PRKCE: variants seen among roughly 807,000 people sequenced by gnomAD.
PRKCE encodes the protein protein kinase C epsilon type.
A neutral mutation model predicts 85.4 loss-of-function variants in PRKCE; 16 were observed. The observed-to-expected ratio is 0.19, with a 90% CI of 0.13 to 0.28. The LOEUF is 0.28. PRKCE is among the 10% of genes least tolerant of loss of function. The pLI, the probability that PRKCE is intolerant of heterozygous loss-of-function variation, is 1.00. For missense variants in PRKCE, 573 were observed against 975.2 expected (o/e 0.59, Z 5.49); for synonymous variants, 388 against 371.5 (o/e 1.04, Z -0.51).
At chr2:46,010,544 G>T (rs199580291) in intron 10 of PRKCE, 27 bp downstream of exon 10, 150 of 1,598,084 alleles carry the variant, frequency 9.4e-5, no homozygotes, top group Non-Finnish European at 1.1e-4. Flanking sequence ...CTGGCTGGCT[G>T]CCATGTTGGG....
chr2:45,749,551 A>G (rs931672502), intron 1 of PRKCE, among the ~76,000 whole-genome samples: 2 of 152,248 alleles, frequency 1.3e-5, no homozygotes, highest in Non-Finnish European at 2.9e-5. Context: ...GAGAATTCAC[A>G]GTACTAAATA....
At chr2:45,681,940 C>T (rs1385468332) in intron 1 of PRKCE, among the ~76,000 whole-genome samples, 1 of 152,194 alleles carries the variant, frequency 6.6e-6, no homozygotes, top group African/African-American at 2.4e-5. Context: ...TTTCTCCTCC[C>T]CAGCCACACC....
At chr2:45,662,976 A>G (rs1675745832) in intron 1 of PRKCE, among the ~76,000 whole-genome samples, 1 of 152,166 alleles carries the variant, frequency 6.6e-6, no homozygotes, top group Non-Finnish European at 1.5e-5. Context: ...GGTAGCTGAG[A>G]GAATCATCAA....
At chr2:46,086,432 C>T in intron 11 of PRKCE, 70 bp downstream of exon 11, 1 of 1,522,072 alleles carries the variant, frequency 6.6e-7, no homozygotes, top group Non-Finnish European at 8.8e-7. Context: ...CTTGAACTGA[C>T]TTCAGCTCCT....
chr2:46,149,368 T>C (rs1676383226), intron 12 of PRKCE, among the ~76,000 whole-genome samples: 1 of 152,128 alleles, frequency 6.6e-6, no homozygotes, highest in Non-Finnish European at 1.5e-5. Context: ...ACCTTGTTTC[T>C]CCTTCCCTTT....
chr2:46,145,411 G>T lies in PRKCE; in HGVS notation c.1731+180G>T, dbSNP rs938307760. Among the ~76,000 whole-genome samples, 10 of 152,182 alleles carry T rather than the reference G, an allele frequency of 6.6e-5. No homozygotes were observed. Among genetic ancestry groups the T allele is most frequent in the Admixed American group, 2.6e-4 (4 of 15,278 alleles). ...TTTGCTGATTGATGTCTGTCAAGAA[G>T]TCCTAGTGTTGGGGAGATGATGAGT... On this transcript the variant is annotated intron_variant, in intron 12 of 14. Coordinates refer to ENST00000306156, the MANE Select transcript of PRKCE (RefSeq NM_005400.3). The surrounding 1 kb of genome is among the most constrained non-coding windows in gnomAD (Gnocchi z 4.6).
At chr2:45,680,632 A>T (rs1676814376) in intron 1 of PRKCE, among the ~76,000 whole-genome samples, 1 of 152,218 alleles carries the variant, frequency 6.6e-6, no homozygotes, top group African/African-American at 2.4e-5. Flanking sequence ...AGACTCTCAG[A>T]TATATACATA....
At chr2:45,656,227 T>C (rs1675373541) in intron 1 of PRKCE, among the ~76,000 whole-genome samples, 1 of 152,238 alleles carries the variant, frequency 6.6e-6, no homozygotes, top group African/African-American at 2.4e-5. Flanking sequence ...GTTTGGAGCA[T>C]GTAGTTATAA....
intron 10 of PRKCE, among the ~76,000 whole-genome samples, chr2:46,017,415 T>G (rs1001795036): frequency 2.6e-5 from 4 of 152,250 alleles, no homozygotes; most frequent in African/African-American, 9.6e-5. Flanking sequence ...CAAATACTAT[T>G]CTATCATGTG....
chr2:46,175,235 C>T (rs534304330), intron 14 of PRKCE, among the ~76,000 whole-genome samples: 1 of 152,172 alleles, frequency 6.6e-6, no homozygotes, highest in Non-Finnish European at 1.5e-5. Context: ...ACATATTTGG[C>T]TATTTGCCTC....
chr2:45,982,189 TG>T (rs1381488083), intron 5 of PRKCE, among the ~76,000 whole-genome samples: 1 of 151,908 alleles, frequency 6.6e-6, no homozygotes, highest in African/African-American at 2.4e-5. Flanking sequence ...TCTCCCTTAG[TG>T]TCAGTGTATC....
chr2:45,969,843 C>T (rs960030301), intron 2 of PRKCE, among the ~76,000 whole-genome samples: 1 of 152,148 alleles, frequency 6.6e-6, no homozygotes, highest in Non-Finnish European at 1.5e-5. Context: ...TATTATTGTT[C>T]ATTCTTTTTT....
intron 14 of PRKCE, among the ~76,000 whole-genome samples, chr2:46,163,293 A>G (rs1677958387): frequency 1.3e-5 from 2 of 150,618 alleles, no homozygotes; most frequent in South Asian, 4.2e-4. Flanking sequence ...ATCCCCATAG[A>G]GGCCACTGAG....
At chr2:45,696,658 G>A (rs1678175953) in intron 1 of PRKCE, among the ~76,000 whole-genome samples, 1 of 152,194 alleles carries the variant, frequency 6.6e-6, no homozygotes, top group African/African-American at 2.4e-5. Flanking sequence ...TTTGGAGTCT[G>A]TGGCGGTAAG....
In PRKCE at chr2:45,757,971, C is replaced by A. The variant is rs114576319; in HGVS notation, c.349-85029C>A. ...GGCAGATGTAGGATCCAAGTGACTT[C>A]AATGACTGGGGACAATGTTAAAGGC... On this transcript the variant is annotated intron_variant, in intron 1 of 14. Transcript: ENST00000306156. Among the ~76,000 whole-genome samples the A allele has an allele frequency of 9.0e-3, 1,363 of 152,272 alleles. 25 individuals carry two copies. The highest frequency in any genetic ancestry group is 0.031 in the African/African-American group (1,275 of 41,558).
At chr2:46,180,348 A>G (rs1480616698) in intron 14 of PRKCE, among the ~76,000 whole-genome samples, 2 of 152,158 alleles carry the variant, frequency 1.3e-5, no homozygotes, top group Non-Finnish European at 2.9e-5. Flanking sequence ...TGCCAGGGAG[A>G]TGAACCTGGG....
chr2:45,884,968 TATATATATATATATATATATA>T (rs1292396614), intron 2 of PRKCE, among the ~76,000 whole-genome samples: 3 of 60,590 alleles, frequency 5.0e-5, no homozygotes, highest in Admixed American at 2.1e-4. Flanking sequence ...TATATATATA[TATATATATATATATATATATA>T]TATATATATA....
chr2:45,738,035 T>A (rs1682233364), intron 1 of PRKCE, among the ~76,000 whole-genome samples: 2 of 152,076 alleles, frequency 1.3e-5, no homozygotes, highest in Admixed American at 1.3e-4. Flanking sequence ...TATGCCAGCG[T>A]CCTCCTCTCC....
At chr2:45,900,742 A>T (rs1467814789) in intron 2 of PRKCE, among the ~76,000 whole-genome samples, 7 of 152,370 alleles carry the variant, frequency 4.6e-5, no homozygotes, top group African/African-American at 1.7e-4. Flanking sequence ...TGAATTATAT[A>T]CTTAAAATTT....
Sources: gnomAD v4.1 joint callset for allele counts (sites outside exome capture counted in the v4.1 genomes callset) on GRCh38, gnomAD v4.1.1 for gene constraint, Gnocchi (gnomAD v3.1) non-coding constraint, MANE v1.5 for transcripts, NCBI Gene and HGNC (gene_info 2026-07-23, HGNC 2026-07-21) for gene names.